The following AHSG variants were observed in gnomAD, a reference collection of about 807,000 sequenced individuals.
AHSG encodes alpha-2-HS-glycoprotein.
AHSG carries 23 observed loss-of-function variants against 30.1 expected under a neutral mutation model. The ratio of observed to expected loss-of-function variants is 0.76; its 90% CI spans 0.55 to 1.08. The LOEUF is 1.08. Ranked by LOEUF, AHSG falls within the 50% of genes least tolerant of loss-of-function variation. AHSG has a pLI of 0.00. For missense variants in AHSG, 469 were observed against 459.5 expected (o/e 1.02, Z -0.19); for synonymous variants, 164 against 186.3 (o/e 0.88, Z 0.98).
At chr3:186,617,499 A>T in intron 4 of AHSG, 149 bp downstream of exon 4, 2 of 1,429,682 alleles carry the variant, frequency 1.4e-6, no homozygotes, top group Non-Finnish European at 1.9e-6. Context: ...GGAAGAAAGC[A>T]TCCTAAGGGG....
At position 186,613,099 on chromosome 3, in the gene AHSG, C is replaced by T; in HGVS notation, c.-43C>T. ...AGAGCACCTGGGTTGGTCCCGAAGCCTCCAACCACCTGCACGCCTGCCAGG... is the reference window on the plus strand; with the variant it reads ...AGAGCACCTGGGTTGGTCCCGAAGCTTCCAACCACCTGCACGCCTGCCAGG... On this transcript the variant is annotated 5_prime_UTR_variant, in exon 1 of 7. Transcript: ENST00000411641. 6.3e-7 allele frequency: 1 copy of T among 1,598,220 alleles called. No homozygotes were observed. The highest frequency in any genetic ancestry group is 1.7e-4 in the Middle Eastern group (1 of 6,036).
At chr3:186,616,399 C>G in intron 2 of AHSG, 44 bp from the exon 3 acceptor site, 1 of 1,547,514 alleles carries the variant, frequency 6.5e-7, no homozygotes. Flanking sequence ...GCCCGGGGTG[C>G]GAAGGGGAAG....
At chr3:186,615,890 G>A (rs1716289450) in intron 2 of AHSG, 95 bp downstream of exon 2, 3 of 1,171,500 alleles carry the variant, frequency 2.6e-6, no homozygotes, top group South Asian at 1.3e-5. Flanking sequence ...TAGCCAGGGT[G>A]CAGTTTCTAA....
intron 5 of AHSG, among the ~76,000 whole-genome samples, chr3:186,618,949 A>T (rs1272445840): frequency 2.0e-5 from 3 of 152,208 alleles, no homozygotes. Context: ...CTCTGATACA[A>T]AAGCTTTCAA....
intron 4 of AHSG, 37 bp from the exon 5 acceptor site, chr3:186,618,499 A>G: frequency 6.2e-7 from 1 of 1,602,358 alleles, no homozygotes; most frequent in Non-Finnish European, 8.5e-7. Flanking sequence ...ATTGTAAGTC[A>G]TCTTTCCTCA....
chr3:186,617,165 C>T (rs769598944), intron 3 of AHSG, 22 bp from the exon 4 acceptor site: 1 of 1,595,638 alleles, frequency 6.3e-7, no homozygotes, highest in African/African-American at 1.3e-5. Flanking sequence ...TGCCCACATC[C>T]TGGTTTCCTC....
intron 3 of AHSG, among the ~76,000 whole-genome samples, 190 bp from the exon 4 acceptor site, chr3:186,616,997 A>C (rs2108501306): frequency 6.6e-6 from 1 of 152,336 alleles, no homozygotes; most frequent in Middle Eastern, 3.4e-3. Context: ...CTGGAAGTGA[A>C]AATTGCCTCG....
intron 1 of AHSG, among the ~76,000 whole-genome samples, chr3:186,614,660 A>G (rs1024632806): frequency 1.3e-5 from 2 of 152,236 alleles, no homozygotes; most frequent in African/African-American, 4.8e-5. Flanking sequence ...GACTTTTACT[A>G]AAGGCAGAGC....
rs1436457390 is a variant in AHSG, at chr3:186,613,199, C to T, written c.58C>T (p.Pro20Ser). 2.5e-6 allele frequency: 4 copies of T among 1,613,980 alleles called. No homozygotes were observed. The highest frequency in any genetic ancestry group is 3.3e-5 in the Admixed American group (2 of 59,994). The change falls in exon 1 of 7, where the codon CCA (proline) becomes TCA (serine). Residue 20 changes from proline to serine, a missense_variant. Coordinates refer to ENST00000411641, the MANE Select transcript of AHSG (RefSeq NM_001622.4). ...LAQLWGCHSAPHGPGLIYRQP... is the reference protein window; with the variant it reads ...LAQLWGCHSASHGPGLIYRQP... ...TCAGCTCTGGGGCTGCCACTCAGCC[C>T]CACATGGCCCAGGGCTGATTTATAG...
intron 5 of AHSG, among the ~76,000 whole-genome samples, chr3:186,619,539 A>T (rs1716413382): frequency 6.6e-6 from 1 of 152,164 alleles, no homozygotes; most frequent in South Asian, 2.1e-4. Flanking sequence ...AACACACAGG[A>T]TACAACATCG....
chr3:186,616,107 G>T (rs2108500757), intron 2 of AHSG, among the ~76,000 whole-genome samples: 1 of 152,318 alleles, frequency 6.6e-6, no homozygotes, highest in South Asian at 2.1e-4. Flanking sequence ...TGAGGCAGGA[G>T]AATCGCTTGA....
Position 186,619,944 on chromosome 3 carries a change from A to G in AHSG, c.759+4A>G. On this transcript the variant is annotated splice_donor_region_variant and intron_variant, in intron 6 of 6. Coordinates refer to ENST00000411641, the MANE Select transcript of AHSG (RefSeq NM_001622.4). ...CTGCATGGTGTTCCAAACACAGGTAACAGCTCCGTGAATATTCTTGCCTAC... is the reference window on the plus strand; with the variant it reads ...CTGCATGGTGTTCCAAACACAGGTAGCAGCTCCGTGAATATTCTTGCCTAC... 6.2e-7 allele frequency: 1 copy of G among 1,607,788 alleles called. No individual in the cohort carries two copies. The highest frequency in any genetic ancestry group is 8.5e-7 in the Non-Finnish European group (1 of 1,177,518).
At chr3:186,616,375 C>T in intron 2 of AHSG, 68 bp from the exon 3 acceptor site, 1 of 1,300,424 alleles carries the variant, frequency 7.7e-7, no homozygotes, top group Admixed American at 2.0e-5. Context: ...GACAGCCGTG[C>T]CTGGAGGGAG....
At chr3:186,615,424 C>T (rs1008927354) in intron 1 of AHSG, among the ~76,000 whole-genome samples, 2 of 152,178 alleles carry the variant, frequency 1.3e-5, no homozygotes, top group African/African-American at 4.8e-5. Flanking sequence ...TCGACTTGTT[C>T]AAGCCCAGGA....
In AHSG at chr3:186,613,153, C is replaced by T. The variant is rs144256924; in HGVS notation, c.12C>T (p.Leu4=). The change falls in exon 1 of 7, where the codon CTC becomes CTT. Residue 4 remains leucine (L), a synonymous_variant. Transcript: ENST00000411641. The part of the protein sequence containing the change: MKS[L]VLLLCLAQLW... ...TCTCTGGGGCAGCCATGAAGTCCCT[C>T]GTCCTGCTCCTTTGTCTTGCTCAGC... 2.1e-5 allele frequency: 34 copies of T among 1,614,104 alleles called. No homozygotes were observed. Among genetic ancestry groups the T allele is most frequent in the East Asian group, 1.8e-4 (8 of 44,870 alleles).
At chr3:186,615,623 G>A (rs1400792601) in intron 1 of AHSG, 62 bp from the exon 2 acceptor site, 5 of 1,390,826 alleles carry the variant, frequency 3.6e-6, no homozygotes, top group Non-Finnish European at 5.1e-6. Flanking sequence ...GGCGCATACC[G>A]TGGACCGCAC....
At chr3:186,615,145 A>G (rs1716259211) in intron 1 of AHSG, among the ~76,000 whole-genome samples, 1 of 152,066 alleles carries the variant, frequency 6.6e-6, no homozygotes, top group African/African-American at 2.4e-5. Context: ...AGGAGGGAAA[A>G]GAAAACGGAG....
intron 3 of AHSG, 29 bp from the exon 4 acceptor site, chr3:186,617,158 C>T (rs1716328385): frequency 1.3e-6 from 2 of 1,590,194 alleles, no homozygotes; most frequent in Middle Eastern, 2.3e-4. Flanking sequence ...GAATGGCTGC[C>T]CACATCCTGG....
chr3:186,617,537 C>A (rs770901887), intron 4 of AHSG, 187 bp downstream of exon 4: 73 of 1,103,066 alleles, frequency 6.6e-5, no homozygotes, highest in Non-Finnish European at 8.8e-5. Context: ...GTCATGAGGA[C>A]CCCAACACCC....
Sources: gnomAD v4.1 joint callset for allele counts (sites outside exome capture counted in the v4.1 genomes callset) on GRCh38, gnomAD v4.1.1 for gene constraint, MANE v1.5 for transcripts, NCBI Gene and HGNC (gene_info 2026-07-23, HGNC 2026-07-21) for gene names.